Variants in ARHGAP15 observed in about 807,000 individuals in gnomAD.
The protein encoded by ARHGAP15 is rho GTPase-activating protein 15.
ARHGAP15 carries 51 observed loss-of-function variants against 63.7 expected under a neutral mutation model. That is an observed-to-expected ratio of 0.80 (90% CI 0.64 to 1.01). The LOEUF (loss-of-function observed/expected upper bound fraction) is 1.01, where lower values mean the gene tolerates loss of function less well. ARHGAP15 is among the 50% of genes least tolerant of loss of function. ARHGAP15 has a pLI of 0.00. For synonymous variants in ARHGAP15, 191 were observed against 193.8 expected (o/e 0.99, Z 0.12); for missense variants, 560 against 564.6 (o/e 0.99, Z 0.08).
At chr2:143,199,459 T>C (rs1038351097) in intron 2 of ARHGAP15, among the ~76,000 whole-genome samples, 4 of 152,102 alleles carry the variant, frequency 2.6e-5, no homozygotes, top group African/African-American at 9.7e-5. Context: ...GAAAACAAAG[T>C]GAGCTTTACT....
chr2:143,484,365 CAA>C (rs377516856), intron 8 of ARHGAP15, among the ~76,000 whole-genome samples: 10 of 125,426 alleles, frequency 8.0e-5, no homozygotes, highest in Admixed American at 8.4e-5. Flanking sequence ...GACTCCATCT[CAA>C]AAAAAAAAAA....
chr2:143,628,516 C>T (rs753808260), intron 12 of ARHGAP15, among the ~76,000 whole-genome samples: 4 of 152,168 alleles, frequency 2.6e-5, no homozygotes, highest in East Asian at 1.9e-4. Flanking sequence ...ATCCCCAACC[C>T]GTTCACCCTT....
chr2:143,329,724 T>C (rs982346415), intron 6 of ARHGAP15, among the ~76,000 whole-genome samples: 1 of 152,054 alleles, frequency 6.6e-6, no homozygotes, highest in Non-Finnish European at 1.5e-5. Flanking sequence ...ACTTGTCAAT[T>C]TATGTAGAAA....
chr2:143,395,745 A>G (rs1367539837), intron 6 of ARHGAP15, among the ~76,000 whole-genome samples: 1 of 152,104 alleles, frequency 6.6e-6, no homozygotes, highest in East Asian at 1.9e-4. Flanking sequence ...AGCATGGCAT[A>G]TTTGAAGAGC....
At chr2:143,560,776 A>T (rs1432018938) in intron 11 of ARHGAP15, among the ~76,000 whole-genome samples, 2 of 152,200 alleles carry the variant, frequency 1.3e-5, no homozygotes, top group African/African-American at 4.8e-5. Context: ...TTATGTATCT[A>T]TGTTTGGCCC....
At chr2:143,415,350 A>T (rs550310411) in intron 6 of ARHGAP15, among the ~76,000 whole-genome samples, 123 of 152,346 alleles carry the variant, frequency 8.1e-4, no homozygotes, top group African/African-American at 2.9e-3. Flanking sequence ...GACTAAAGAT[A>T]CTACAAAGAA....
At chr2:143,578,542 C>T (rs931818731) in intron 11 of ARHGAP15, among the ~76,000 whole-genome samples, 1 of 152,080 alleles carries the variant, frequency 6.6e-6, no homozygotes, top group Non-Finnish European at 1.5e-5. Context: ...TAGAAAGCGC[C>T]AATGGCGCTC....
intron 10 of ARHGAP15, among the ~76,000 whole-genome samples, chr2:143,525,139 A>T (rs1208748575): frequency 6.6e-6 from 1 of 151,998 alleles, no homozygotes; most frequent in Non-Finnish European, 1.5e-5. Flanking sequence ...ATTCTTTCCC[A>T]CTTTGGGATA....
intron 6 of ARHGAP15, among the ~76,000 whole-genome samples, chr2:143,364,379 G>A (rs575466597): frequency 6.6e-6 from 1 of 152,194 alleles, no homozygotes; most frequent in East Asian, 1.9e-4. Flanking sequence ...AAGTAGTTTA[G>A]GATTCATTTA....
At chr2:143,591,211 C>T (rs1450458266) in intron 11 of ARHGAP15, among the ~76,000 whole-genome samples, 2 of 152,128 alleles carry the variant, frequency 1.3e-5, no homozygotes, top group Non-Finnish European at 2.9e-5. Context: ...TCCTACTAAT[C>T]CTTTCCAACT....
At chr2:143,204,733 T>C (rs1386003913) in intron 3 of ARHGAP15, among the ~76,000 whole-genome samples, 1 of 152,056 alleles carries the variant, frequency 6.6e-6, no homozygotes, top group Non-Finnish European at 1.5e-5. Flanking sequence ...TTCCCCAGTC[T>C]CACCTCTCCC....
chr2:143,280,926 C>G (rs1372841049), intron 6 of ARHGAP15, among the ~76,000 whole-genome samples: 1 of 151,988 alleles, frequency 6.6e-6, no homozygotes, highest in Non-Finnish European at 1.5e-5. Flanking sequence ...AAAGAACACC[C>G]CTATATTTTG....
chr2:143,596,462 C>T lies in ARHGAP15; in HGVS notation c.1004-27671C>T, dbSNP rs1211708409. 3.3e-5 allele frequency among the ~76,000 whole-genome samples: 5 copies of T among 152,186 alleles called. No homozygotes were observed. In the East Asian group the frequency reaches 9.7e-4, roughly 29 times the overall value. On this transcript the variant is annotated intron_variant, in intron 11 of 13. Transcript: ENST00000295095. ...ATTGAATACTTGTGAAGAGTTGCAA[C>T]TCATAGTCTGCCTTTAAAATATAGC...
intron 6 of ARHGAP15, among the ~76,000 whole-genome samples, chr2:143,339,665 TTTATTAAAA>T (rs1323203477): frequency 6.6e-6 from 1 of 152,134 alleles, no homozygotes; most frequent in Non-Finnish European, 1.5e-5. Flanking sequence ...CTCTGTCCAT[TTTATTAAAA>T]TTATCCTAGA....
chr2:143,673,758 G>GTGTGTGTGTGTATATATA (rs1553520615), intron 12 of ARHGAP15, among the ~76,000 whole-genome samples: 2 of 22,116 alleles, frequency 9.0e-5, no homozygotes, highest in African/African-American at 8.1e-5. Context: ...GTGTGTGTGT[G>GTGTGTGTGTGTATATATA]TATATATATA....
chr2:143,165,960 G>GAAAGAA lies in ARHGAP15; in HGVS notation c.165+10306_165+10307insAAGAAA, dbSNP rs1690489336. 4.5e-4 allele frequency among the ~76,000 whole-genome samples: 42 copies of GAAAGAA among 93,644 alleles called. 1 individual carries two copies. The highest frequency in any genetic ancestry group is 1.7e-3 in the African/African-American group (40 of 22,870). The allele number at this position is 93,644 out of a possible 152,430, so 61.4% of individuals were successfully genotyped here. On this transcript the variant is annotated intron_variant, in intron 2 of 13. Transcript: ENST00000295095. ...AAAGAAAAGAAGAAAGAAAGAAAGA[G>GAAAGAA]AGAAAGAAAGAAAGAAAGAAAGAAA...
At chr2:143,185,277 T>C (rs541969647) in intron 2 of ARHGAP15, among the ~76,000 whole-genome samples, 1 of 152,330 alleles carries the variant, frequency 6.6e-6, no homozygotes, top group East Asian at 1.9e-4. Context: ...ATAATCTTTT[T>C]CTCTTTAATT....
At chr2:143,548,953 G>A (rs1483519064) in intron 10 of ARHGAP15, among the ~76,000 whole-genome samples, 1 of 152,066 alleles carries the variant, frequency 6.6e-6, no homozygotes, top group East Asian at 1.9e-4. Flanking sequence ...ATTGAAAAAT[G>A]CATAAATGAT....
chr2:143,650,039 G>A (rs909466748), intron 12 of ARHGAP15, among the ~76,000 whole-genome samples: 18 of 151,740 alleles, frequency 1.2e-4, no homozygotes, highest in Admixed American at 1.2e-3. Flanking sequence ...GTTTCATGTT[G>A]TTGGAGGTTT....
Sources: allele counts gnomAD v4.1 joint callset (sites outside exome capture counted in the v4.1 genomes callset), GRCh38; gene constraint gnomAD v4.1.1; transcripts MANE v1.5; gene names NCBI Gene and HGNC (gene_info 2026-07-23, HGNC 2026-07-21).